Variants in DNAJC5B observed in about 807,000 individuals in gnomAD.
DNAJC5B encodes the protein dnaJ homolog subfamily C member 5B.
Under a neutral mutation model 24.7 loss-of-function variants are expected in DNAJC5B, and 23 were observed. That is an observed-to-expected ratio of 0.93 (90% CI 0.67 to 1.32). DNAJC5B has a LOEUF of 1.32. Among genes scored for constraint, DNAJC5B ranks in the 40% most tolerant of loss-of-function variants. DNAJC5B has a pLI of 0.00. For synonymous variants in DNAJC5B, 101 were observed against 90.1 expected, an observed-to-expected ratio of 1.12 and a Z score of -0.68; for missense variants, 238 against 240.8, an observed-to-expected ratio of 0.99 and a Z score of 0.08.
chr8:66,070,785 T>C (rs1807329532), intron 3 of DNAJC5B, among the ~76,000 whole-genome samples: 1 of 152,218 alleles, frequency 6.6e-6, no homozygotes. Flanking sequence ...GGCATCATGC[T>C]ACCTGACTTC....
At chr8:66,081,772 G>A (rs1807601102) in intron 5 of DNAJC5B, among the ~76,000 whole-genome samples, 1 of 152,100 alleles carries the variant, frequency 6.6e-6, no homozygotes, top group African/African-American at 2.4e-5. Context: ...ACCCCTTGCT[G>A]TGGGGACCTG....
intron 5 of DNAJC5B, among the ~76,000 whole-genome samples, chr8:66,083,677 C>G (rs765333027): frequency 6.6e-6 from 1 of 152,166 alleles, no homozygotes; most frequent in East Asian, 1.9e-4. Flanking sequence ...TGAATTGGCA[C>G]AGTGAGCTGT....
intron 5 of DNAJC5B, among the ~76,000 whole-genome samples, chr8:66,089,426 A>G (rs1022315850): frequency 2.6e-5 from 4 of 152,188 alleles, no homozygotes; most frequent in Admixed American, 2.0e-4. Context: ...CATTATAACT[A>G]TTTCTTAATT....
chr8:66,091,369 A>G (rs567915764), intron 5 of DNAJC5B, among the ~76,000 whole-genome samples: 2 of 152,290 alleles, frequency 1.3e-5, no homozygotes, highest in South Asian at 4.1e-4. Context: ...ACGAAGTGAC[A>G]TTTAAAGCAG....
At chr8:66,077,030 T>C (rs901591566) in intron 4 of DNAJC5B, among the ~76,000 whole-genome samples, 157 bp downstream of exon 4, 2 of 152,236 alleles carry the variant, frequency 1.3e-5, no homozygotes, top group African/African-American at 4.8e-5. Context: ...TTTAGGATCA[T>C]TTCTGGTTTA....
chr8:66,051,934 A>G (rs1806856506), intron 3 of DNAJC5B, among the ~76,000 whole-genome samples: 1 of 152,000 alleles, frequency 6.6e-6, no homozygotes, highest in Non-Finnish European at 1.5e-5. Flanking sequence ...AGAGAGAGAA[A>G]TGAGTGAACC....
chr8:66,045,208 A>G (rs1586076589), intron 2 of DNAJC5B, among the ~76,000 whole-genome samples: 1 of 152,196 alleles, frequency 6.6e-6, no homozygotes, highest in South Asian at 2.1e-4. Context: ...TCAGCCAACT[A>G]CTTCCCACAT....
At chr8:66,046,052 C>T (rs16932444) in intron 2 of DNAJC5B, among the ~76,000 whole-genome samples, 8,104 of 152,088 alleles carry the variant, frequency 0.053, 703 homozygotes, top group African/African-American at 0.18. Context: ...AGACTAGAAA[C>T]GCTCAGGGCT....
At chr8:66,062,219 A>G (rs1807099165) in intron 3 of DNAJC5B, among the ~76,000 whole-genome samples, 2 of 152,250 alleles carry the variant, frequency 1.3e-5, no homozygotes. Context: ...CTCCTCGATT[A>G]TAGTCTCAGC....
chr8:66,086,294 T>C (rs1807723320), intron 5 of DNAJC5B, among the ~76,000 whole-genome samples: 1 of 152,210 alleles, frequency 6.6e-6, no homozygotes. Context: ...TCTTGCCTTG[T>C]TGCACTGTCT....
At chr8:66,058,651 A>T (rs919453959) in intron 3 of DNAJC5B, among the ~76,000 whole-genome samples, 1 of 152,234 alleles carries the variant, frequency 6.6e-6, no homozygotes, top group Non-Finnish European at 1.5e-5. Flanking sequence ...AAGCAGCCTC[A>T]AAGACCTATC....
intron 3 of DNAJC5B, among the ~76,000 whole-genome samples, chr8:66,073,146 A>T (rs1807385921): frequency 6.6e-6 from 1 of 152,148 alleles, no homozygotes; most frequent in South Asian, 2.1e-4. Context: ...AGAATTTATA[A>T]TTTAATAAAA....
At chr8:66,024,347 C>G (rs974416405) in intron 1 of DNAJC5B, among the ~76,000 whole-genome samples, 1 of 149,642 alleles carries the variant, frequency 6.7e-6, no homozygotes, top group Non-Finnish European at 1.5e-5. Flanking sequence ...TGTATAACTG[C>G]AGAAGAAAGC....
At chr8:66,058,062 C>T (rs1807004607) in intron 3 of DNAJC5B, 2 of 152,242 alleles carry the variant, frequency 1.3e-5, no homozygotes, top group Non-Finnish European at 2.9e-5. Flanking sequence ...TCCTCCCACC[C>T]TCGATGGTGG....
At chr8:66,070,541 A>G (rs1563603382) in intron 3 of DNAJC5B, among the ~76,000 whole-genome samples, 1 of 152,168 alleles carries the variant, frequency 6.6e-6, no homozygotes, top group Non-Finnish European at 1.5e-5. Context: ...ACCACTGCTC[A>G]AGGAAATAAG....
chr8:66,031,393 T>A (rs1806358185), intron 1 of DNAJC5B, among the ~76,000 whole-genome samples: 1 of 152,220 alleles, frequency 6.6e-6, no homozygotes, highest in Admixed American at 6.5e-5. Context: ...CAGCTTTACA[T>A]TTAGACATCA....
chr8:66,027,609 G>A (rs1480982879), intron 1 of DNAJC5B, among the ~76,000 whole-genome samples: 1 of 152,208 alleles, frequency 6.6e-6, no homozygotes, highest in Non-Finnish European at 1.5e-5. Context: ...GTTTTAGCCA[G>A]TTGAGAAGAC....
chr8:66,032,730 C>A (rs117006138), intron 1 of DNAJC5B, among the ~76,000 whole-genome samples: 2,147 of 152,358 alleles, frequency 0.014, 12 homozygotes, highest in Non-Finnish European at 0.021. Context: ...TGCTGATTCA[C>A]CCACGAGCAG....
chr8:66,054,954 C>T (rs966830058), intron 3 of DNAJC5B, among the ~76,000 whole-genome samples: 46 of 152,192 alleles, frequency 3.0e-4, no homozygotes, highest in Admixed American at 1.8e-3. Flanking sequence ...AAATGCTCCC[C>T]AAAATGGGGA....
Sources: allele counts gnomAD v4.1 joint callset (sites outside exome capture counted in the v4.1 genomes callset), GRCh38; gene constraint gnomAD v4.1.1; transcripts MANE v1.5; gene names NCBI Gene and HGNC (gene_info 2026-07-23, HGNC 2026-07-21).